ZNF564: variants seen among roughly 807,000 people sequenced by gnomAD.
ZNF564 encodes the protein zinc finger protein 564.
ZNF564 carries 5 observed loss-of-function variants against 10.5 expected under a neutral mutation model. The observed-to-expected ratio is 0.48, with a 90% confidence interval of 0.25 to 1.00. ZNF564 has a LOEUF of 1.00. Ranked by LOEUF, ZNF564 falls within the 50% of genes least tolerant of loss-of-function variation. The probability of loss-of-function intolerance (pLI) is 0.16; values close to 1 mark genes in which losing one functional copy is unlikely to be tolerated. For missense variants in ZNF564, 603 were observed against 669.7 expected, an observed-to-expected ratio of 0.90 and a Z score of 1.10; for synonymous variants, 242 against 218.1, an observed-to-expected ratio of 1.11 and a Z score of -0.97.
In ZNF564 at chr19:12,528,022, C is replaced by G. The variant is rs910603540; in HGVS notation, c.192-106G>C. ...ATCGCGGAAAGGGTAAGTTTTCAGGCCTGTATGAATTGTTTGAAAGTGAAT... is the reference window on the plus strand; with the variant it reads ...ATCGCGGAAAGGGTAAGTTTTCAGGGCTGTATGAATTGTTTGAAAGTGAAT... On this transcript the variant is annotated intron_variant, in intron 3 of 3. Coordinates refer to ENST00000339282, the MANE Select transcript of ZNF564 (RefSeq NM_144976.4). 3.0e-5 allele frequency: 39 copies of G among 1,281,748 alleles called. No individual in the cohort carries two copies. The African/African-American group carries it at 5.4e-4, about 18-fold the overall frequency. 79.4% of individuals were successfully genotyped at this position (1,281,748 alleles called of 1,614,324 possible).
intron 1 of ZNF564, among the ~76,000 whole-genome samples, chr19:12,542,658 A>AAGAT (rs1376805625): frequency 2.1e-5 from 3 of 144,446 alleles, no homozygotes. Flanking sequence ...GGAAGAAAGA[A>AAGAT]AAGAAAAAAG....
At chr19:12,545,707 TAAG>T (rs1435553342) in intron 1 of ZNF564, among the ~76,000 whole-genome samples, 3 of 152,000 alleles carry the variant, frequency 2.0e-5, no homozygotes, top group East Asian at 1.9e-4. Flanking sequence ...AACAGGCAAA[TAAG>T]AGCTGAAAAA....
chr19:12,551,248 C>G (rs2022254188), intron 1 of ZNF564, 82 bp downstream of exon 1: 1 of 1,490,872 alleles, frequency 6.7e-7, no homozygotes, highest in Non-Finnish European at 9.2e-7. Flanking sequence ...TGCAGGGAGG[C>G]CAGGGTGCTT....
intron 2 of ZNF564, 71 bp downstream of exon 2, chr19:12,528,499 T>C: frequency 6.3e-7 from 1 of 1,598,572 alleles, no homozygotes; most frequent in Admixed American, 1.8e-5. Flanking sequence ...TTAGACATCA[T>C]GAAAAAGCAT....
chr19:12,547,000 CT>C (rs1175614215), intron 1 of ZNF564, among the ~76,000 whole-genome samples: 1 of 152,140 alleles, frequency 6.6e-6, no homozygotes, highest in African/African-American at 2.4e-5. Context: ...CGATTTTGCA[CT>C]TTCCACTCTG....
chr19:12,531,756 C>CA (rs1202175985), intron 1 of ZNF564, among the ~76,000 whole-genome samples: 3 of 150,580 alleles, frequency 2.0e-5, no homozygotes, highest in African/African-American at 7.3e-5. Flanking sequence ...AGGTCAGAGA[C>CA]AAAAAAAGAA....
chr19:12,550,993 A>C (rs1426468431), intron 1 of ZNF564, among the ~76,000 whole-genome samples: 1 of 152,246 alleles, frequency 6.6e-6, no homozygotes, highest in Non-Finnish European at 1.5e-5. Context: ...CCCATGCACG[A>C]ACCGCACACC....
chr19:12,532,096 T>C (rs559868973), intron 1 of ZNF564, among the ~76,000 whole-genome samples: 1 of 152,212 alleles, frequency 6.6e-6, no homozygotes, highest in Non-Finnish European at 1.5e-5. Context: ...ATGCCTATGG[T>C]CCCAGCTACT....
intron 1 of ZNF564, chr19:12,529,636 A>C (rs906663138): frequency 1.3e-5 from 2 of 151,424 alleles, no homozygotes; most frequent in African/African-American, 4.9e-5. Flanking sequence ...CATCATTCCT[A>C]CCAGGAAAAA....
In ZNF564 at chr19:12,527,316, G is replaced by A. The variant is rs1194421855; in HGVS notation, c.792C>T (p.Arg264=). The change falls in exon 4 of 4, where the codon CGC becomes CGT. Residue 264 remains arginine, a synonymous_variant. Transcript: ENST00000339282. ...TTTCATGTATTCGAAATAAACTGGGGCGGTCAAAGGCTTTTCCACATTCCT... is the reference window on the plus strand; with the variant it reads ...TTTCATGTATTCGAAATAAACTGGGACGGTCAAAGGCTTTTCCACATTCCT... ...KCQECGKAFD[R]PSLFRIHERT... is the part of the protein sequence containing the mutation. The A allele has an allele frequency of 1.2e-6, 2 of 1,610,408 alleles. No homozygotes were observed. Among genetic ancestry groups the A allele is most frequent in the Non-Finnish European group, 1.7e-6 (2 of 1,178,790 alleles).
intron 1 of ZNF564, among the ~76,000 whole-genome samples, chr19:12,531,833 T>C (rs1469228032): frequency 6.6e-6 from 1 of 152,188 alleles, no homozygotes; most frequent in Non-Finnish European, 1.5e-5. Context: ...ACTGTATCAA[T>C]AATCACTTTG....
intron 1 of ZNF564, among the ~76,000 whole-genome samples, chr19:12,549,834 GC>G (rs1568268415): frequency 1.3e-5 from 2 of 152,182 alleles, no homozygotes; most frequent in Non-Finnish European, 2.9e-5. Context: ...AGAAGTGGCA[GC>G]TGTGGGTATC....
chr19:12,527,183 A>C lies in ZNF564; in HGVS notation c.925T>G (p.Tyr309Asp). The C allele has an allele frequency of 6.2e-7, 1 of 1,614,194 alleles. No homozygotes were observed. The highest frequency in any genetic ancestry group is 1.1e-5 in the South Asian group (1 of 91,082). Residue 309 changes from tyrosine to aspartate, a missense_variant, in exon 4 of 4, where the codon TAT (tyrosine) becomes GAT (aspartate). By Grantham distance (160) the Tyr-to-Asp change is radical (BLOSUM62 -3). Coordinates refer to ENST00000339282, the MANE Select transcript of ZNF564 (RefSeq NM_144976.4). ...HMIRHTGDGP[Y>D]KCKVCGRAFI... ...GCTCTCCCACATACTTTACATTTAT[A>C]AGGTCCATCCCCAGTGTGCCTAATC...
At chr19:12,536,379 G>A (rs1359349696) in intron 1 of ZNF564, among the ~76,000 whole-genome samples, 2 of 152,096 alleles carry the variant, frequency 1.3e-5, no homozygotes, top group Non-Finnish European at 2.9e-5. Flanking sequence ...GTTTTGTCAT[G>A]TTGCCCAGGC....
chr19:12,529,961 G>A (rs2021768328), intron 1 of ZNF564: 1 of 148,016 alleles, frequency 6.8e-6, no homozygotes, highest in African/African-American at 2.6e-5. Context: ...TCCAGCCTGG[G>A]TGACAAGAGC....
chr19:12,551,265 C>A (rs1599291022), intron 1 of ZNF564, 65 bp downstream of exon 1: 5 of 1,558,464 alleles, frequency 3.2e-6, no homozygotes, highest in East Asian at 2.4e-5. Flanking sequence ...GCTTCCACAG[C>A]CGGTTCCGGC....
At position 12,532,638 on chromosome 19, in the gene ZNF564, C is replaced by G. The variant is rs192926855; in HGVS notation, c.4-3942G>C. On this transcript the variant is annotated intron_variant, in intron 1 of 3. Transcript: ENST00000339282. ...TTGAGAAGCTGAGGCAGGTAGATTG[C>G]TGCAGCCTGGGAGTTCAAGGCTGCA... Among the ~76,000 whole-genome samples the G allele has an allele frequency of 1.2e-3, 174 of 149,146 alleles. 1 individual carries two copies. Among genetic ancestry groups the G allele is most frequent in the African/African-American group, 4.1e-3 (167 of 40,408 alleles).
chr19:12,533,596 G>A (rs867227550), intron 1 of ZNF564, among the ~76,000 whole-genome samples: 5 of 151,744 alleles, frequency 3.3e-5, no homozygotes, highest in South Asian at 2.1e-4. Flanking sequence ...GTGTGGTGGC[G>A]CATGCCTGTA....
At chr19:12,529,984 CA>C (rs553631056) in intron 1 of ZNF564, 819 of 51,894 alleles carry the variant, frequency 0.016, 3 homozygotes, top group African/African-American at 0.03. Context: ...AACTCTGTCT[CA>C]AAAAAAAAAA....
Sources: allele counts gnomAD v4.1 joint callset (sites outside exome capture counted in the v4.1 genomes callset), GRCh38; gene constraint gnomAD v4.1.1; transcripts MANE v1.5; gene names NCBI Gene and HGNC (gene_info 2026-07-23, HGNC 2026-07-21).